EPHA6: variants seen among roughly 807,000 people sequenced by gnomAD.
The protein encoded by EPHA6 is ephrin type-A receptor 6.
Under a neutral mutation model 112.0 loss-of-function variants are expected in EPHA6, and 50 were observed. That is an observed-to-expected ratio of 0.45 (90% CI 0.36 to 0.56). The LOEUF is 0.56. EPHA6 is among the 20% of genes least tolerant of loss of function. The probability of loss-of-function intolerance (pLI) is 0.00; values close to 1 mark genes in which losing one functional copy is unlikely to be tolerated. For synonymous variants in EPHA6, 529 were observed against 490.7 expected, an observed-to-expected ratio of 1.08 and a Z score of -1.03; for missense variants, 1,280 against 1,417.4, an observed-to-expected ratio of 0.90 and a Z score of 1.56.
rs143281324 is a variant in EPHA6, at chr3:96,823,448, A to G, written c.385+8440A>G. 4.3e-3 allele frequency among the ~76,000 whole-genome samples: 654 copies of G among 151,908 alleles called. 7 individuals are homozygous for G. The highest frequency in any genetic ancestry group is 0.014 in the African/African-American group (602 of 41,526). Reference sequence around the variant, plus strand: ...TAGGTCCCTTGATTTATTCCAGTATATAAGTGTCCATTGCTGACAAACAAT... The same window carrying G: ...TAGGTCCCTTGATTTATTCCAGTATGTAAGTGTCCATTGCTGACAAACAAT... On this transcript the variant is annotated intron_variant, in intron 1 of 17. Transcript: ENST00000389672.
chr3:97,548,282 A>T (rs2092984136), intron 11 of EPHA6, among the ~76,000 whole-genome samples: 1 of 152,190 alleles, frequency 6.6e-6, no homozygotes, highest in Non-Finnish European at 1.5e-5. Flanking sequence ...CAGAAATTAT[A>T]CACCGTTCTC....
At chr3:97,391,376 T>A (rs180683363) in intron 5 of EPHA6, among the ~76,000 whole-genome samples, 18 of 152,104 alleles carry the variant, frequency 1.2e-4, no homozygotes, top group Non-Finnish European at 2.5e-4. Flanking sequence ...GTTTCTATCT[T>A]TAAATTTAGC....
chr3:97,052,063 A>G (rs942874448), intron 3 of EPHA6, among the ~76,000 whole-genome samples: 1 of 152,084 alleles, frequency 6.6e-6, no homozygotes, highest in African/African-American at 2.4e-5. Context: ...TATGAATGCT[A>G]TTATTATTAC....
chr3:97,544,439 A>C (rs1359210962), intron 11 of EPHA6, among the ~76,000 whole-genome samples: 12 of 152,206 alleles, frequency 7.9e-5, no homozygotes. Context: ...CCACGGATGA[A>C]GCCCACTTGA....
intron 5 of EPHA6, among the ~76,000 whole-genome samples, chr3:97,359,341 A>G (rs2084246082): frequency 6.6e-6 from 1 of 151,604 alleles, no homozygotes; most frequent in African/African-American, 2.4e-5. Context: ...GAATCCCTTT[A>G]GTTAAGTTTT....
At chr3:97,591,842 C>T (rs927831740) in intron 11 of EPHA6, among the ~76,000 whole-genome samples, 1 of 152,116 alleles carries the variant, frequency 6.6e-6, no homozygotes, top group Non-Finnish European at 1.5e-5. Context: ...CTACCAACCA[C>T]GTGGCAGTGA....
Position 97,752,951 on chromosome 3 carries a change from A to G in EPHA6, c.*4250A>G, listed in dbSNP as rs1229262076. On this transcript the variant is annotated 3_prime_UTR_variant, in exon 18 of 18. Coordinates refer to ENST00000389672, the MANE Select transcript of EPHA6 (RefSeq NM_001080448.3). The stretch of plus-strand genomic sequence containing the variant: ...AAATTCTGTGAAGTAGAAGAGACTC[A>G]TATTACTTTACATTCAATCAACAAA... Among the ~76,000 whole-genome samples the G allele has an allele frequency of 6.6e-6, 1 of 152,112 alleles. No individual in the cohort carries two copies. The highest frequency in any genetic ancestry group is 1.5e-5 in the Non-Finnish European group (1 of 68,006).
At position 96,864,144 on chromosome 3, in the gene EPHA6, T is replaced by G. The variant is rs1312190769; in HGVS notation, c.386-2681T>G. Reference sequence around the variant, plus strand: ...TTGTGAATCTAAAATTTCACAGCAGTCAGTTTTGGAATCCAGATGGATAGT... The same window carrying G: ...TTGTGAATCTAAAATTTCACAGCAGGCAGTTTTGGAATCCAGATGGATAGT... On this transcript the variant is annotated intron_variant, in intron 1 of 17. Transcript: ENST00000389672. Among the ~76,000 whole-genome samples, 3 of 152,142 alleles carry G rather than the reference T, an allele frequency of 2.0e-5. No homozygotes were observed. The East Asian group carries it at 5.8e-4, about 29-fold the overall frequency.
intron 14 of EPHA6, among the ~76,000 whole-genome samples, chr3:97,675,970 T>C (rs987815409): frequency 6.6e-6 from 1 of 152,086 alleles, no homozygotes; most frequent in Non-Finnish European, 1.5e-5. Context: ...GACAGAAAAT[T>C]CCAAGGCTTC....
At chr3:97,584,033 G>A (rs527810961) in intron 11 of EPHA6, among the ~76,000 whole-genome samples, 40 of 152,240 alleles carry the variant, frequency 2.6e-4, no homozygotes, top group African/African-American at 9.1e-4. Context: ...AGCATATAAA[G>A]TGGAAAGTTC....
intron 5 of EPHA6, among the ~76,000 whole-genome samples, chr3:97,293,899 C>T (rs531170796): frequency 1.5e-4 from 23 of 152,250 alleles, no homozygotes; most frequent in Admixed American, 1.1e-3. Context: ...GCCTGCCTCC[C>T]GTGTTCATCA....
At chr3:97,279,304 GAATA>G (rs1252710223) in intron 5 of EPHA6, among the ~76,000 whole-genome samples, 1 of 151,954 alleles carries the variant, frequency 6.6e-6, no homozygotes, top group African/African-American at 2.4e-5. Context: ...GTGACTATTA[GAATA>G]AATAAATTAC....
At position 96,866,874 on chromosome 3, in the gene EPHA6, A is replaced by G. The variant is rs575689625; in HGVS notation, c.435A>G (p.Thr145=). 3.1e-4 allele frequency: 461 copies of G among 1,478,612 alleles called. 7 individuals carry two copies. The South Asian group carries it at 5.9e-3, about 19-fold the overall frequency. 91.6% of individuals were successfully genotyped at this position (1,478,612 alleles called of 1,614,324 possible). A position where few individuals can be genotyped will look rare whatever the true frequency, so the allele number is the denominator to read the frequency against. ...TACTGGGAGAGCTAGGATGGAAAAC[A>G]TATCCATTAAATGGGGTAAGTTTAA... is the stretch of plus-strand genomic sequence containing the variant. The part of the protein sequence containing the change: ...TTVLGELGWK[T]YPLNGWDAIT... Residue 145 remains threonine, a synonymous_variant, in exon 2 of 18, where the codon ACA becomes ACG. Coordinates refer to ENST00000389672, the MANE Select transcript of EPHA6 (RefSeq NM_001080448.3).
chr3:96,950,495 T>TC (rs2041480516), intron 2 of EPHA6, among the ~76,000 whole-genome samples: 1 of 152,152 alleles, frequency 6.6e-6, no homozygotes, highest in Non-Finnish European at 1.5e-5. Flanking sequence ...TGTGTCTTTT[T>TC]CTCAGTTATA....
rs566000490 is a variant in EPHA6, at chr3:97,158,115, G to A, written c.1115-68149G>A. Reference sequence around the variant, plus strand: ...AACACACTAATATGTTAGAAGTGGAGATAAAGTCCTGGAATGATGTTAACT... The same window carrying A: ...AACACACTAATATGTTAGAAGTGGAAATAAAGTCCTGGAATGATGTTAACT... On this transcript the variant is annotated intron_variant, in intron 3 of 17. Transcript: ENST00000389672. Among the ~76,000 whole-genome samples the A allele has an allele frequency of 3.9e-5, 6 of 152,280 alleles. No homozygotes were observed. In the East Asian group the frequency reaches 7.7e-4, roughly 20 times the overall value.
intron 2 of EPHA6, among the ~76,000 whole-genome samples, chr3:96,981,256 T>G (rs959771555): frequency 6.6e-6 from 1 of 152,224 alleles, no homozygotes; most frequent in African/African-American, 2.4e-5. Flanking sequence ...GTTTTTAGCA[T>G]GAAGGGCTGT....
chr3:97,498,675 C>T (rs965522986), intron 10 of EPHA6, among the ~76,000 whole-genome samples: 1 of 152,144 alleles, frequency 6.6e-6, no homozygotes, highest in Non-Finnish European at 1.5e-5. Flanking sequence ...CAGTGGTCCT[C>T]AACCCCCAGG....
Position 97,302,244 on chromosome 3 carries a change from C to T in EPHA6, c.1606+57957C>T, listed in dbSNP as rs552498834. Reference sequence around the variant, plus strand: ...ATATACAATTTAATTATTCTTTAGGCAAAAAGAGAATTTAGTATGATGGTT... The same window carrying T: ...ATATACAATTTAATTATTCTTTAGGTAAAAAGAGAATTTAGTATGATGGTT... On this transcript the variant is annotated intron_variant, in intron 5 of 17. Transcript: ENST00000389672. 2.6e-5 allele frequency among the ~76,000 whole-genome samples: 4 copies of T among 151,818 alleles called. No homozygotes were observed. In the East Asian group the frequency reaches 7.7e-4, roughly 29 times the overall value.
intron 3 of EPHA6, among the ~76,000 whole-genome samples, chr3:97,125,626 C>G (rs2048162886): frequency 6.6e-6 from 1 of 151,944 alleles, no homozygotes; most frequent in Non-Finnish European, 1.5e-5. Flanking sequence ...ATATAGTTAC[C>G]AGGTTATTCT....
Sources: allele counts gnomAD v4.1 joint callset (sites outside exome capture counted in the v4.1 genomes callset), GRCh38; gene constraint gnomAD v4.1.1; transcripts MANE v1.5; gene names NCBI Gene and HGNC (gene_info 2026-07-23, HGNC 2026-07-21).